Variants in NCMAP observed in about 807,000 individuals in gnomAD.
The protein encoded by NCMAP is non-compact myelin associated protein.
NCMAP carries 8 observed loss-of-function variants against 7.8 expected under a neutral mutation model. That is an observed-to-expected ratio of 1.02 (90% CI 0.60 to 1.84). NCMAP has a LOEUF of 1.84. Ranked by LOEUF, NCMAP falls within the 40% of genes most tolerant of loss-of-function variation. NCMAP has a pLI of 0.00. For synonymous variants in NCMAP, 41 were observed against 52.9 expected (o/e 0.78, Z 0.98); for missense variants, 112 against 131.4 (o/e 0.85, Z 0.72).
chr1:24,568,091 G>T (rs923994046), intron 1 of NCMAP, among the ~76,000 whole-genome samples: 10 of 152,242 alleles, frequency 6.6e-5, no homozygotes, highest in African/African-American at 2.4e-4. Context: ...GCAGGGCTGG[G>T]CCTGGAACAC....
intron 2 of NCMAP, among the ~76,000 whole-genome samples, chr1:24,597,651 G>GAA (rs1244864224): frequency 4.4e-4 from 59 of 133,656 alleles, no homozygotes; most frequent in Middle Eastern, 3.9e-3. Context: ...AAGAAAGAAA[G>GAA]AAAGAAAGAA....
intron 3 of NCMAP, among the ~76,000 whole-genome samples, chr1:24,604,847 G>T (rs1652664889): frequency 6.6e-6 from 1 of 150,586 alleles, no homozygotes; most frequent in Admixed American, 6.7e-5. Context: ...GGGCATGGTG[G>T]CTCATGCCTG....
At position 24,605,911 on chromosome 1, in the gene NCMAP, G is replaced by T. The variant is rs940158771; in HGVS notation, c.*164G>T. 3.7e-6 allele frequency: 3 copies of T among 807,160 alleles called. No individual in the cohort carries two copies. Among genetic ancestry groups the T allele is most frequent in the African/African-American group, 1.7e-5 (1 of 57,196 alleles). The allele number at this position is 807,160 out of a possible 1,614,324, so 50.0% of individuals were successfully genotyped here. On this transcript the variant is annotated 3_prime_UTR_variant, in exon 4 of 4. Coordinates refer to ENST00000374392, the MANE Select transcript of NCMAP (RefSeq NM_001010980.5). Reference sequence around the variant, plus strand: ...CTTCCAGCAATCCTCAACCTTGTCTGCCCTGCCCTACCCCAACTGTGTCCA... The same window carrying T: ...CTTCCAGCAATCCTCAACCTTGTCTTCCCTGCCCTACCCCAACTGTGTCCA...
At chr1:24,601,665 A>G (rs552616659) in intron 3 of NCMAP, among the ~76,000 whole-genome samples, 1 of 152,214 alleles carries the variant, frequency 6.6e-6, no homozygotes, top group Non-Finnish European at 1.5e-5. Context: ...AGCTACTCAG[A>G]AGACTGAGGC....
intron 1 of NCMAP, among the ~76,000 whole-genome samples, chr1:24,577,418 T>TC (rs1557596579): frequency 6.8e-6 from 1 of 146,738 alleles, no homozygotes; most frequent in East Asian, 2.0e-4. Context: ...TTTTTTTTTT[T>TC]TTTTTTTTTT....
chr1:24,573,971 A>AAAAAAAC (rs1337931415), intron 1 of NCMAP, among the ~76,000 whole-genome samples: 2 of 137,490 alleles, frequency 1.5e-5, no homozygotes, highest in African/African-American at 5.9e-5. Flanking sequence ...AAAAAAAAAA[A>AAAAAAAC]CAGAAAAAAG....
rs1427045249 is a variant in NCMAP, at chr1:24,597,669, A to AAGAAAGAAAGAG, written c.82+2162_82+2163insGAAAGAGAGAAA. ...AAAGAAAGAAAGAAAGAAAGAAAGA[A>AAGAAAGAAAGAG]AGAAAAGAAAAAGAAAGAAAGAAAG... is the stretch of plus-strand genomic sequence containing the variant. On this transcript the variant is annotated intron_variant, in intron 2 of 3. Transcript: ENST00000374392. Among the ~76,000 whole-genome samples the AAGAAAGAAAGAG allele has an allele frequency of 1.9e-4, 26 of 139,710 alleles. 1 individual carries two copies. Among genetic ancestry groups the AAGAAAGAAAGAG allele is most frequent in the Middle Eastern group, 8.1e-3 (2 of 246 alleles). The allele number at this position is 139,710 out of a possible 152,430, so 91.7% of individuals were successfully genotyped here. A position where few individuals can be genotyped will look rare whatever the true frequency, so the allele number is the denominator to read the frequency against.
rs1289872256 is a variant in NCMAP at position 24,604,600 on chromosome 1, AAAAAAATATATATATATATATATATAT to A, written c.168-1004_168-978del. Among the ~76,000 whole-genome samples the A allele has an allele frequency of 3.5e-3, 189 of 54,374 alleles. 19 individuals are homozygous for A. The highest frequency in any genetic ancestry group is 0.025 in the African/African-American group (182 of 7,218). 35.7% of individuals were successfully genotyped at this position (54,374 alleles called of 152,430 possible). On this transcript the variant is annotated intron_variant, in intron 3 of 3. Transcript: ENST00000374392. ...AAAAAAAAAAAAAAAAAAAAAAAAA[AAAAAAATATATATATATATATATATAT>A]ATATATATATATATATATATATATA... is the stretch of plus-strand genomic sequence containing the variant.
intron 1 of NCMAP, among the ~76,000 whole-genome samples, chr1:24,583,882 G>A (rs774000186): frequency 2.0e-5 from 3 of 152,146 alleles, no homozygotes; most frequent in Non-Finnish European, 4.4e-5. Context: ...CTCCTCCACT[G>A]ACCTGCTGTT....
chr1:24,581,189 T>C (rs1231071215), intron 1 of NCMAP, among the ~76,000 whole-genome samples: 1 of 151,804 alleles, frequency 6.6e-6, no homozygotes, highest in Non-Finnish European at 1.5e-5. Flanking sequence ...CTATTTTGGC[T>C]CACTGCAACC....
chr1:24,604,170 T>G (rs1028876468), intron 3 of NCMAP, among the ~76,000 whole-genome samples: 1 of 151,586 alleles, frequency 6.6e-6, no homozygotes, highest in African/African-American at 2.4e-5. Context: ...GAATTAGGGA[T>G]TAAGTTTCCA....
intron 1 of NCMAP, among the ~76,000 whole-genome samples, chr1:24,577,476 C>T (rs932204161): frequency 8.1e-6 from 1 of 123,898 alleles, no homozygotes; most frequent in Admixed American, 1.0e-4. Context: ...GTTCTCACTA[C>T]GTTGCCCAGG....
intron 1 of NCMAP, among the ~76,000 whole-genome samples, chr1:24,586,965 G>T (rs1417871012): frequency 6.6e-6 from 1 of 152,116 alleles, no homozygotes; most frequent in Non-Finnish European, 1.5e-5. Flanking sequence ...GCTGAGTATA[G>T]GACATGCTTC....
At chr1:24,585,520 G>T (rs1478961323) in intron 1 of NCMAP, among the ~76,000 whole-genome samples, 1 of 152,180 alleles carries the variant, frequency 6.6e-6, no homozygotes, top group East Asian at 1.9e-4. Context: ...GTGAAGCTAT[G>T]AACAGTTCCA....
intron 1 of NCMAP, among the ~76,000 whole-genome samples, chr1:24,590,096 G>A (rs371850796): frequency 4.9e-4 from 74 of 152,268 alleles, no homozygotes; most frequent in African/African-American, 1.6e-3. Context: ...CACTGCACCC[G>A]GCTGAGAGTT....
intron 1 of NCMAP, among the ~76,000 whole-genome samples, chr1:24,593,903 T>TA (rs1282515885): frequency 6.7e-6 from 1 of 148,800 alleles, no homozygotes; most frequent in African/African-American, 2.5e-5. Context: ...TTTATTTATT[T>TA]TTTATTTTGA....
At chr1:24,599,316 T>C (rs1006123127) in intron 2 of NCMAP, among the ~76,000 whole-genome samples, 2 of 146,916 alleles carry the variant, frequency 1.4e-5, no homozygotes, top group Non-Finnish European at 3.0e-5. Context: ...GAAATTAAAA[T>C]TGGAGTGTGA....
intron 1 of NCMAP, among the ~76,000 whole-genome samples, chr1:24,559,280 G>A (rs1650983444): frequency 6.6e-6 from 1 of 152,230 alleles, no homozygotes; most frequent in African/African-American, 2.4e-5. Context: ...GCAGTCATTG[G>A]CATCTCAGCC....
intron 1 of NCMAP, among the ~76,000 whole-genome samples, chr1:24,581,271 C>T (rs1304369728): frequency 1.3e-5 from 2 of 152,088 alleles, no homozygotes; most frequent in African/African-American, 4.8e-5. Flanking sequence ...CACCCGCCAC[C>T]ACGACTGGCT....
Sources: gnomAD v4.1 joint callset for allele counts (sites outside exome capture counted in the v4.1 genomes callset) on GRCh38, gnomAD v4.1.1 for gene constraint, MANE v1.5 for transcripts, NCBI Gene and HGNC (gene_info 2026-07-23, HGNC 2026-07-21) for gene names.